SLC25A21: variants seen among roughly 807,000 people sequenced by gnomAD.
SLC25A21 encodes the protein mitochondrial 2-oxodicarboxylate carrier.
SLC25A21 carries 47 observed loss-of-function variants against 43.8 expected under a neutral mutation model. The ratio of observed to expected loss-of-function variants is 1.07; its 90% CI spans 0.85 to 1.37. The LOEUF (loss-of-function observed/expected upper bound fraction) is 1.37, where lower values mean the gene tolerates loss of function less well. SLC25A21 is among the 40% of genes most tolerant of loss of function. The pLI is 0.00. For synonymous variants in SLC25A21, 131 were observed against 121.3 expected, an observed-to-expected ratio of 1.08 and a Z score of -0.52; for missense variants, 352 against 350.2, an observed-to-expected ratio of 1.00 and a Z score of -0.04.
At chr14:36,866,577 C>G (rs1207335217) in intron 2 of SLC25A21, among the ~76,000 whole-genome samples, 1 of 152,124 alleles carries the variant, frequency 6.6e-6, no homozygotes. Flanking sequence ...AGCAAAATTC[C>G]CCCCACCTAG....
intron 3 of SLC25A21, among the ~76,000 whole-genome samples, chr14:36,786,422 T>G (rs1205657431): frequency 2.6e-5 from 4 of 152,256 alleles, no homozygotes; most frequent in Non-Finnish European, 5.9e-5. Flanking sequence ...AAAAACATAT[T>G]CTGCAATATT....
At chr14:37,167,028 G>C (rs1212186701) in intron 1 of SLC25A21, among the ~76,000 whole-genome samples, 1 of 152,150 alleles carries the variant, frequency 6.6e-6, no homozygotes, top group East Asian at 1.9e-4. Flanking sequence ...TAAGGGGTAA[G>C]ACATTCTAGG....
intron 1 of SLC25A21, among the ~76,000 whole-genome samples, chr14:37,037,919 G>A (rs1019082870): frequency 1.6e-4 from 25 of 152,134 alleles, no homozygotes; most frequent in Admixed American, 1.4e-3. Flanking sequence ...AAATGGTTCT[G>A]TATGCTGCAG....
intron 3 of SLC25A21, among the ~76,000 whole-genome samples, chr14:36,813,240 C>A (rs377207579): frequency 6.6e-6 from 1 of 152,108 alleles, no homozygotes; most frequent in East Asian, 1.9e-4. Context: ...CAGACACACG[C>A]ACACATATGT....
chr14:37,172,395 C>G lies in SLC25A21; in HGVS notation c.-45G>C. ...AAGGGAGTGGGCTGAGATGCGTCAA[C>G]GAGCTCGCAGCCTGCACAGCCTACT... On this transcript the variant is annotated 5_prime_UTR_variant, in exon 1 of 10. Coordinates refer to ENST00000331299, the MANE Select transcript of SLC25A21 (RefSeq NM_030631.4). 2 of 1,549,580 alleles carry G rather than the reference C, an allele frequency of 1.3e-6. No individual in the cohort carries two copies. The highest frequency in any genetic ancestry group is 1.8e-6 in the Non-Finnish European group (2 of 1,140,516).
chr14:37,128,955 A>G (rs970999929), intron 1 of SLC25A21, among the ~76,000 whole-genome samples: 3 of 152,234 alleles, frequency 2.0e-5, no homozygotes, highest in African/African-American at 7.2e-5. Flanking sequence ...CAGTAAAAGC[A>G]TTAGCCACCT....
intron 1 of SLC25A21, among the ~76,000 whole-genome samples, chr14:37,169,362 G>C (rs1158085463): frequency 3.9e-5 from 6 of 152,058 alleles, no homozygotes; most frequent in South Asian, 4.2e-4. Context: ...TGCTGCCTTA[G>C]GAACACTTGA....
rs17105046 is a variant in SLC25A21, at chr14:36,685,993, C to T, written c.604-1068G>A. 2.2e-4 allele frequency among the ~76,000 whole-genome samples: 34 copies of T among 152,288 alleles called. No homozygotes were observed. The East Asian group carries it at 4.6e-3, about 21-fold the overall frequency. On this transcript the variant is annotated intron_variant, in intron 7 of 9. Coordinates refer to ENST00000331299, the MANE Select transcript of SLC25A21 (RefSeq NM_030631.4). ...TTGATCAATATTTTAGAGGGATCAT[C>T]ACAGAGGAACAATATAGGGCTGTGC... is the stretch of plus-strand genomic sequence containing the variant.
intron 1 of SLC25A21, among the ~76,000 whole-genome samples, chr14:37,004,796 G>A (rs1045854911): frequency 1.4e-5 from 2 of 147,402 alleles, no homozygotes; most frequent in African/African-American, 4.9e-5. Flanking sequence ...GGGCAGAGCC[G>A]AGACTCAAAC....
chr14:36,724,296 G>A (rs556014836), intron 6 of SLC25A21, among the ~76,000 whole-genome samples: 16 of 152,256 alleles, frequency 1.1e-4, no homozygotes, highest in African/African-American at 3.1e-4. Context: ...GTCCCCTCAG[G>A]TCTTGGCAGC....
At chr14:37,009,227 C>A (rs768162069) in intron 1 of SLC25A21, among the ~76,000 whole-genome samples, 2 of 152,130 alleles carry the variant, frequency 1.3e-5, no homozygotes, top group Non-Finnish European at 2.9e-5. Context: ...GTGGCTCACA[C>A]CTGTAATCCC....
chr14:37,098,222 T>C, intron 1 of SLC25A21: 1 of 152,200 alleles, frequency 6.6e-6, no homozygotes, highest in South Asian at 2.1e-4. Context: ...TTCTCTACTG[T>C]CATAACTTAG....
At chr14:37,111,313 C>CTT (rs1963015950) in intron 1 of SLC25A21, among the ~76,000 whole-genome samples, 2 of 152,148 alleles carry the variant, frequency 1.3e-5, no homozygotes, top group South Asian at 4.1e-4. Flanking sequence ...GACTGCAAAC[C>CTT]ACTAAGCTTT....
chr14:36,698,809 A>G (rs1402079010), intron 7 of SLC25A21, among the ~76,000 whole-genome samples: 1 of 152,108 alleles, frequency 6.6e-6, no homozygotes, highest in Non-Finnish European at 1.5e-5. Flanking sequence ...CTAGTTAGCC[A>G]TTCGTCTAAT....
At chr14:37,098,742 TAGATAGACAGAC>T (rs1376996973) in intron 1 of SLC25A21, among the ~76,000 whole-genome samples, 276 of 8,604 alleles carry the variant, frequency 0.032, 1 homozygote, top group African/African-American at 0.042. Context: ...GATAGATAGA[TAGATAGACAGAC>T]AGACAGACAG....
chr14:36,933,476 G>A (rs767820215), intron 1 of SLC25A21, among the ~76,000 whole-genome samples: 2 of 152,096 alleles, frequency 1.3e-5, no homozygotes, highest in Non-Finnish European at 2.9e-5. Flanking sequence ...GGTCAACTGT[G>A]ATGAAATTTA....
At chr14:36,998,753 C>T (rs1213535842) in intron 1 of SLC25A21, among the ~76,000 whole-genome samples, 1 of 149,558 alleles carries the variant, frequency 6.7e-6, no homozygotes, top group Non-Finnish European at 1.5e-5. Flanking sequence ...CCTTAACAGA[C>T]ACCTCACTAA....
intron 1 of SLC25A21, among the ~76,000 whole-genome samples, chr14:37,143,381 C>T (rs1963602942): frequency 6.6e-6 from 1 of 152,220 alleles, no homozygotes; most frequent in Non-Finnish European, 1.5e-5. Context: ...AATGGCCACA[C>T]ATACCTGCTG....
intron 2 of SLC25A21, among the ~76,000 whole-genome samples, chr14:36,814,516 GA>G (rs202114790): frequency 0.013 from 2,011 of 152,244 alleles, 38 homozygotes; most frequent in African/African-American, 0.045. Context: ...CAAAGGATAC[GA>G]ACAGACACTT....
Sources: gnomAD v4.1 joint callset for allele counts (sites outside exome capture counted in the v4.1 genomes callset) on GRCh38, gnomAD v4.1.1 for gene constraint, MANE v1.5 for transcripts, NCBI Gene and HGNC (gene_info 2026-07-23, HGNC 2026-07-21) for gene names.